SORBS2: variants seen among roughly 807,000 people sequenced by gnomAD.
The protein encoded by SORBS2 is sorbin and SH3 domain-containing protein 2.
SORBS2 carries 46 observed loss-of-function variants against 97.7 expected under a neutral mutation model. The observed-to-expected ratio is 0.47, with a 90% CI of 0.37 to 0.60. The LOEUF is 0.60. Among genes scored for constraint, SORBS2 ranks in the 20% least tolerant of loss-of-function variants. The pLI is 0.00. For missense variants in SORBS2, 1,316 were observed against 1,282.3 expected, an observed-to-expected ratio of 1.03 and a Z score of -0.40; for synonymous variants, 476 against 473.4, an observed-to-expected ratio of 1.01 and a Z score of -0.07.
chr4:185,799,469 T>C (rs1363366733), intron 1 of SORBS2, among the ~76,000 whole-genome samples: 1 of 152,182 alleles, frequency 6.6e-6, no homozygotes, highest in Non-Finnish European at 1.5e-5. Context: ...GATCAAACAC[T>C]GCAAATGGTA....
At chr4:185,691,874 A>T (rs2098103501) in intron 2 of SORBS2, among the ~76,000 whole-genome samples, 1 of 152,078 alleles carries the variant, frequency 6.6e-6, no homozygotes, top group Non-Finnish European at 1.5e-5. Flanking sequence ...CCTCCCAAGT[A>T]GCTGGGACTA....
intron 4 of SORBS2, among the ~76,000 whole-genome samples, chr4:185,632,194 G>A (rs992115932): frequency 1.3e-5 from 2 of 152,102 alleles, no homozygotes; most frequent in African/African-American, 4.8e-5. Context: ...GGTCCCTTTT[G>A]CATAACTTAC....
At chr4:185,715,699 A>G (rs1282923441) in intron 2 of SORBS2, among the ~76,000 whole-genome samples, 1 of 152,210 alleles carries the variant, frequency 6.6e-6, no homozygotes, top group Non-Finnish European at 1.5e-5. Flanking sequence ...AACAGACCAA[A>G]AATGTAGACA....
chr4:185,927,159 C>T (rs911870469), intron 1 of SORBS2, among the ~76,000 whole-genome samples: 6 of 148,420 alleles, frequency 4.0e-5, no homozygotes, highest in African/African-American at 1.5e-4. Context: ...AATACATTTA[C>T]ATACATAAGG....
chr4:185,906,033 C>T (rs920825010), intron 1 of SORBS2, among the ~76,000 whole-genome samples: 3 of 152,130 alleles, frequency 2.0e-5, no homozygotes, highest in African/African-American at 7.2e-5. Flanking sequence ...ACCATGTGGT[C>T]CACTCCCATT....
intron 1 of SORBS2, among the ~76,000 whole-genome samples, chr4:185,942,844 G>A (rs2099272799): frequency 6.6e-6 from 1 of 152,052 alleles, no homozygotes; most frequent in African/African-American, 2.4e-5. Flanking sequence ...TTGCAGACTG[G>A]TTCATAATCT....
chr4:185,722,404 A>T (rs954249602), intron 2 of SORBS2, among the ~76,000 whole-genome samples: 3 of 152,256 alleles, frequency 2.0e-5, no homozygotes, highest in Non-Finnish European at 2.9e-5. Flanking sequence ...CATTTAATTT[A>T]AAAAGTGGCA....
At chr4:185,682,829 G>A (rs2097891503) in intron 2 of SORBS2, among the ~76,000 whole-genome samples, 1 of 151,870 alleles carries the variant, frequency 6.6e-6, no homozygotes. Flanking sequence ...TGGCCAACAT[G>A]GTGAAACCAG....
Position 185,669,946 on chromosome 4 carries a change from C to T in SORBS2, c.-45-7704G>A, listed in dbSNP as rs572372867. ...AAGTAAACATGTAATAGGGCAAGCG[C>T]AGTGGCTCACACCTGTAATCCCAGC... is the stretch of plus-strand genomic sequence containing the variant. On this transcript the variant is annotated intron_variant, in intron 4 of 20. Coordinates refer to the SORBS2 transcript ENST00000284776. Among the ~76,000 whole-genome samples, 6 of 152,294 alleles carry T rather than the reference C, an allele frequency of 3.9e-5. No individual in the cohort carries two copies. In the East Asian group the frequency reaches 9.6e-4, roughly 24 times the overall value.
intron 12 of SORBS2, among the ~76,000 whole-genome samples, chr4:185,600,952 G>A (rs1236487571): frequency 6.6e-6 from 1 of 152,036 alleles, no homozygotes; most frequent in South Asian, 2.1e-4. Context: ...ATGACAGTGA[G>A]TAAGCTGACC....
chr4:185,733,999 G>A (rs1438164888), intron 2 of SORBS2, 100 bp downstream of exon 3: 1 of 152,556 alleles, frequency 6.6e-6, no homozygotes, highest in Non-Finnish European at 1.5e-5. Context: ...TTAACTTACT[G>A]GGAAATCTTT....
chr4:185,622,268 G>A (rs1394155096), intron 7 of SORBS2, among the ~76,000 whole-genome samples: 3 of 152,298 alleles, frequency 2.0e-5, no homozygotes, highest in African/African-American at 7.2e-5. Flanking sequence ...GAAAGTGAAT[G>A]AATTAAGTAA....
intron 4 of SORBS2, among the ~76,000 whole-genome samples, chr4:185,666,710 A>AT (rs2097607855): frequency 3.3e-5 from 5 of 152,228 alleles, no homozygotes; most frequent in Admixed American, 2.0e-4. Context: ...AATGGAAAAG[A>AT]TGTTTTATTT....
chr4:185,656,768 C>A lies in SORBS2; in HGVS notation c.-130G>T, dbSNP rs372965854. 42 of 1,498,714 alleles carry A rather than the reference C, an allele frequency of 2.8e-5. No homozygotes were observed. The East Asian group carries it at 1.1e-3, about 38-fold the overall frequency. The allele number at this position is 1,498,714 out of a possible 1,614,324, so 92.8% of individuals were successfully genotyped here. ...TGCTGCGTTTTGCCGGAAGGGGCTG[C>A]CCAGATACACTGAGCAATGCTTTGG... On this transcript the variant is annotated 5_prime_UTR_variant, in exon 1 of 15. Transcript: ENST00000418609.
intron 2 of SORBS2, among the ~76,000 whole-genome samples, chr4:185,708,631 G>T (rs558278822): frequency 6.6e-6 from 1 of 152,120 alleles, no homozygotes; most frequent in African/African-American, 2.4e-5. Flanking sequence ...GTTTTTCCTG[G>T]AATTATCTTA....
intron 1 of SORBS2, among the ~76,000 whole-genome samples, chr4:185,827,297 T>TCAC (rs2099201180): frequency 6.0e-5 from 4 of 67,034 alleles, no homozygotes; most frequent in Non-Finnish European, 1.0e-4. Flanking sequence ...ACCATCATCA[T>TCAC]CATCACCATC....
At chr4:185,736,281 G>A (rs1011297677) in intron 2 of SORBS2, among the ~76,000 whole-genome samples, 1 of 152,242 alleles carries the variant, frequency 6.6e-6, no homozygotes, top group South Asian at 2.1e-4. Flanking sequence ...GCAAGCCTGG[G>A]CTTCTATTAA....
At chr4:185,910,791 A>G (rs1447169625) in intron 1 of SORBS2, among the ~76,000 whole-genome samples, 1 of 152,232 alleles carries the variant, frequency 6.6e-6, no homozygotes, top group Non-Finnish European at 1.5e-5. Flanking sequence ...AGATGCAGAT[A>G]TAAACAGGTA....
At chr4:185,614,915 C>T (rs781675389) in exon 11 of SORBS2, 5 of 1,614,046 alleles carry the variant, frequency 3.1e-6, no homozygotes, top group East Asian at 4.5e-5. Flanking sequence ...GCTGGGCTGG[C>T]GGAGGTGGTC....
Sources: allele counts gnomAD v4.1 joint callset (sites outside exome capture counted in the v4.1 genomes callset), GRCh38; gene constraint gnomAD v4.1.1; transcripts MANE v1.5; gene names NCBI Gene and HGNC (gene_info 2026-07-23, HGNC 2026-07-21).